The following MBD5 variants were observed in gnomAD, a reference collection of about 807,000 sequenced individuals.
The protein encoded by MBD5 is methyl-CpG binding domain protein 5.
A neutral mutation model predicts 117.3 loss-of-function variants in MBD5; 13 were observed. The ratio of observed to expected loss-of-function variants is 0.11; its 90% CI spans 0.07 to 0.18. MBD5 has a LOEUF of 0.18. Among genes scored for constraint, MBD5 ranks in the 10% least tolerant of loss-of-function variants. The pLI is 1.00. For missense variants in MBD5, 1,879 were observed against 2,093.8 expected (o/e 0.90, Z 2.00); for synonymous variants, 727 against 766.4 (o/e 0.95, Z 0.85).
intron 3 of MBD5, among the ~76,000 whole-genome samples, chr2:148,303,583 A>C (rs558651876): frequency 6.6e-6 from 1 of 152,374 alleles, no homozygotes; most frequent in Admixed American, 6.5e-5. Context: ...GTAGAATATG[A>C]ATAAGAAAAA....
chr2:148,348,774 C>T (rs772386793), intron 4 of MBD5, among the ~76,000 whole-genome samples: 9 of 151,826 alleles, frequency 5.9e-5, no homozygotes, highest in Non-Finnish European at 1.0e-4. Flanking sequence ...TTCTTGCATT[C>T]GAACTTGGAT....
At chr2:148,338,517 T>G (rs1424004105) in intron 3 of MBD5, among the ~76,000 whole-genome samples, 2 of 152,160 alleles carry the variant, frequency 1.3e-5, no homozygotes, top group African/African-American at 2.4e-5. Context: ...CCGTATAAAG[T>G]GCAGAAGGAG....
intron 1 of MBD5, among the ~76,000 whole-genome samples, chr2:148,130,235 T>C (rs1159902108): frequency 6.6e-6 from 1 of 152,166 alleles, no homozygotes; most frequent in Admixed American, 6.6e-5. Flanking sequence ...TAAATAAACT[T>C]TATCTTCCAT....
chr2:148,501,325 T>C (rs1400160421), intron 11 of MBD5, among the ~76,000 whole-genome samples: 1 of 152,202 alleles, frequency 6.6e-6, no homozygotes, highest in East Asian at 1.9e-4. Flanking sequence ...TTTATTTTCT[T>C]ACCCATGAGG....
At chr2:148,130,629 G>A (rs1697022407) in intron 1 of MBD5, among the ~76,000 whole-genome samples, 1 of 151,852 alleles carries the variant, frequency 6.6e-6, no homozygotes, top group Non-Finnish European at 1.5e-5. Flanking sequence ...ATACCAAAGA[G>A]GTTCTTATGA....
At chr2:148,091,459 C>T (rs769092276) in intron 1 of MBD5, among the ~76,000 whole-genome samples, 4 of 152,012 alleles carry the variant, frequency 2.6e-5, no homozygotes, top group African/African-American at 9.7e-5. Context: ...TCCAAATAGG[C>T]ACGTAGACCA....
chr2:148,394,236 C>T (rs754164032), intron 4 of MBD5, among the ~76,000 whole-genome samples: 1 of 152,008 alleles, frequency 6.6e-6, no homozygotes, highest in Non-Finnish European at 1.5e-5. Flanking sequence ...GTAGCTTTTG[C>T]TCTTTCTATG....
intron 7 of MBD5, among the ~76,000 whole-genome samples, chr2:148,466,833 C>T (rs1189871353): frequency 6.6e-6 from 1 of 152,138 alleles, no homozygotes; most frequent in Non-Finnish European, 1.5e-5. Context: ...ACAGCATTCT[C>T]TTACTAATTG....
intron 1 of MBD5, among the ~76,000 whole-genome samples, chr2:148,068,401 C>T (rs149759824): frequency 1.7e-4 from 26 of 152,272 alleles, no homozygotes; most frequent in African/African-American, 5.8e-4. Flanking sequence ...AAGGAGACCT[C>T]TTAGTGGGCA....
chr2:148,027,418 CT>C (rs1212232842), intron 1 of MBD5: 32 of 151,980 alleles, frequency 2.1e-4, no homozygotes, highest in Non-Finnish European at 3.1e-4. Flanking sequence ...AAATTAAAAA[CT>C]TTTTTTCCTG....
intron 1 of MBD5, among the ~76,000 whole-genome samples, chr2:148,032,696 G>A (rs1694073790): frequency 6.6e-6 from 1 of 152,050 alleles, no homozygotes; most frequent in Non-Finnish European, 1.5e-5. Flanking sequence ...TGTTCCTTAG[G>A]TTTAACAAGA....
At chr2:148,331,510 G>A (rs867689125) in intron 3 of MBD5, among the ~76,000 whole-genome samples, 3 of 152,090 alleles carry the variant, frequency 2.0e-5, no homozygotes, top group Non-Finnish European at 4.4e-5. Context: ...CATGCCTGAT[G>A]TGTATTTAGA....
intron 4 of MBD5, among the ~76,000 whole-genome samples, chr2:148,354,961 A>G (rs1574326507): frequency 6.6e-6 from 1 of 151,664 alleles, no homozygotes; most frequent in Non-Finnish European, 1.5e-5. Context: ...CATAATTGCC[A>G]TTCTAACTGG....
chr2:148,449,092 C>T (rs1023798183), intron 4 of MBD5, among the ~76,000 whole-genome samples: 2 of 152,086 alleles, frequency 1.3e-5, no homozygotes, highest in Admixed American at 1.3e-4. Context: ...TAACTCGTTG[C>T]TATTCTTTAA....
At chr2:148,486,592 A>G (rs370794171) in intron 10 of MBD5, among the ~76,000 whole-genome samples, 14 of 152,224 alleles carry the variant, frequency 9.2e-5, no homozygotes, top group African/African-American at 3.1e-4. Context: ...TTCCTAATAC[A>G]TATTAAATAA....
At chr2:148,376,808 T>A (rs1372478650) in intron 4 of MBD5, among the ~76,000 whole-genome samples, 2 of 121,972 alleles carry the variant, frequency 1.6e-5, no homozygotes, top group Non-Finnish European at 3.3e-5. Flanking sequence ...TTATATATAA[T>A]ATTATAATTT....
intron 4 of MBD5, among the ~76,000 whole-genome samples, chr2:148,358,199 T>C (rs1220780195): frequency 6.6e-6 from 1 of 152,074 alleles, no homozygotes; most frequent in Non-Finnish European, 1.5e-5. Flanking sequence ...TCATTGAAAG[T>C]TTGTAGGCAA....
intron 2 of MBD5, among the ~76,000 whole-genome samples, chr2:148,223,276 C>T (rs1353735776): frequency 6.6e-6 from 1 of 151,742 alleles, no homozygotes; most frequent in African/African-American, 2.4e-5. Context: ...TAATACTGGG[C>T]TCATAGAATG....
Position 148,470,301 on chromosome 2 carries a change from G to T in MBD5, c.2358G>T (p.Gln786His), listed in dbSNP as rs1574462092. ...PNHHLAGLIN[Q>H]IQASGNCGML... ...ACCATCTTGCAGGTTTAATAAATCAGATTCAGGCTAGCGGGAACTGTGGGA... is the reference window on the plus strand; with the variant it reads ...ACCATCTTGCAGGTTTAATAAATCATATTCAGGCTAGCGGGAACTGTGGGA... The change falls in exon 8 of 14, where the codon CAG becomes CAT. Residue 786 changes from glutamine to histidine, a missense_variant. By Grantham distance (24) the Gln-to-His change is conservative (BLOSUM62 0). Transcript: ENST00000642680. 2 of 1,613,934 alleles carry T rather than the reference G, an allele frequency of 1.2e-6. No individual in the cohort carries two copies. Among genetic ancestry groups the T allele is most frequent in the South Asian group, 2.2e-5 (2 of 91,070 alleles).
Sources: gnomAD v4.1 joint callset for allele counts (sites outside exome capture counted in the v4.1 genomes callset) on GRCh38, gnomAD v4.1.1 for gene constraint, MANE v1.5 for transcripts, NCBI Gene and HGNC (gene_info 2026-07-23, HGNC 2026-07-21) for gene names.